Variants in ARHGAP29 observed in about 807,000 individuals in gnomAD.
ARHGAP29 encodes the protein rho GTPase-activating protein 29.
ARHGAP29 carries 43 observed loss-of-function variants against 122.6 expected under a neutral mutation model. That is an observed-to-expected ratio of 0.35 (90% CI 0.27 to 0.45). The LOEUF (loss-of-function observed/expected upper bound fraction) is 0.45. Ranked by LOEUF, ARHGAP29 falls within the 20% of genes least tolerant of loss-of-function variation. The pLI, the probability that ARHGAP29 is intolerant of heterozygous loss-of-function variation, is 1.00. For missense variants in ARHGAP29, 1,303 were observed against 1,477.2 expected (o/e 0.88, Z 1.93); for synonymous variants, 506 against 497.1 (o/e 1.02, Z -0.24).
intron 2 of ARHGAP29, among the ~76,000 whole-genome samples, chr1:94,221,826 A>G (rs1652310641): frequency 2.0e-5 from 3 of 151,812 alleles, no homozygotes. Context: ...CAACAAGCAC[A>G]CCTAGTATCT....
intron 1 of ARHGAP29, among the ~76,000 whole-genome samples, chr1:94,256,002 C>T (rs574726196): frequency 1.3e-5 from 2 of 152,312 alleles, no homozygotes; most frequent in East Asian, 3.9e-4. Flanking sequence ...CTCTGCTACA[C>T]ACATTAACTC....
rs1335395893 is a variant in ARHGAP29, at chr1:94,237,436, C to G, written c.-54G>C. The G allele has an allele frequency of 1.0e-5, 10 of 986,932 alleles. No homozygotes were observed. In the African/African-American group the frequency reaches 1.7e-4, roughly 17 times the overall value. 61.1% of individuals were successfully genotyped at this position (986,932 alleles called of 1,614,324 possible). ...TCACCACGGCGCTCCATCTCGCGTG[C>G]CGGACGCGGACGCCCGCCCCACACC... On this transcript the variant is annotated 5_prime_UTR_variant, in exon 1 of 23. Transcript: ENST00000260526.
intron 2 of ARHGAP29, among the ~76,000 whole-genome samples, chr1:94,228,824 CA>C (rs1652767546): frequency 6.6e-6 from 1 of 151,668 alleles, no homozygotes; most frequent in Admixed American, 6.6e-5. Context: ...ACAACTGCGG[CA>C]AAAGTCAAGT....
At chr1:94,204,934 A>T in intron 7 of ARHGAP29, 127 bp downstream of exon 7, 2 of 929,890 alleles carry the variant, frequency 2.2e-6, no homozygotes, top group Non-Finnish European at 3.0e-6. Context: ...TTTTCTGGAT[A>T]ATGGTTTTAT....
chr1:94,287,084 C>T, the ARHGAP29 span, among the ~76,000 whole-genome samples: 1 of 152,176 alleles, frequency 6.6e-6, no homozygotes, highest in African/African-American at 2.4e-5. Flanking sequence ...GATTGACTGG[C>T]TCAAGTTGAG....
intron 3 of ARHGAP29, among the ~76,000 whole-genome samples, chr1:94,218,101 C>A (rs1157469889): frequency 6.6e-6 from 1 of 152,088 alleles, no homozygotes; most frequent in South Asian, 2.1e-4. Context: ...GATTTGACCT[C>A]AATTTTTCAA....
At chr1:94,204,099 A>ATAC (rs1266507548) in intron 7 of ARHGAP29, 105 bp from the exon 8 acceptor site, 11 of 789,284 alleles carry the variant, frequency 1.4e-5, no homozygotes, top group African/African-American at 3.5e-5. Flanking sequence ...GTGATCACAA[A>ATAC]TACTAGTGTG....
rs1651385748 is a variant in ARHGAP29, at chr1:94,208,824, T to C, written c.510+8A>G. 3 of 1,612,410 alleles carry C rather than the reference T, an allele frequency of 1.9e-6. No homozygotes were observed. The African/African-American group carries it at 4.0e-5, about 22-fold the overall frequency. On this transcript the variant is annotated splice_region_variant and intron_variant, in intron 5 of 22. Transcript: ENST00000260526. ...TAAAGACTTTGCTTTCACACAAACT[T>C]AGCTTACCTTAGTTTCTCGAGAAAC...
rs11165097 is a variant in ARHGAP29, at chr1:94,221,203, C to T, written c.206-811G>A. Among the ~76,000 whole-genome samples, 670 of 152,284 alleles carry T rather than the reference C, an allele frequency of 4.4e-3. 8 individuals carry two copies. Among genetic ancestry groups the T allele is most frequent in the African/African-American group, 0.015 (643 of 41,570 alleles). On this transcript the variant is annotated intron_variant, in intron 2 of 22. Coordinates refer to ENST00000260526, the MANE Select transcript of ARHGAP29 (RefSeq NM_004815.4). ...GCTACTCACAGTCATGCTAGCACAA[C>T]AATCACATTCTAGGATCTTCATCCC...
chr1:94,227,135 G>A (rs940290596), intron 2 of ARHGAP29, among the ~76,000 whole-genome samples: 3 of 151,576 alleles, frequency 2.0e-5, no homozygotes, highest in Non-Finnish European at 4.4e-5. Flanking sequence ...TTCATTTAAT[G>A]AAAAGTTCAA....
chr1:94,239,518 GAC>G (rs1653491260), upstream of ARHGAP29, among the ~76,000 whole-genome samples: 1 of 151,798 alleles, frequency 6.6e-6, no homozygotes, highest in African/African-American at 2.4e-5. Flanking sequence ...GGGAAAGAGA[GAC>G]AAAGGGAGAG....
chr1:94,219,226 G>A (rs749582337), intron 3 of ARHGAP29, among the ~76,000 whole-genome samples: 2 of 146,598 alleles, frequency 1.4e-5, no homozygotes, highest in Non-Finnish European at 3.0e-5. Flanking sequence ...TTACCTTATC[G>A]GTAGCATTTA....
upstream of ARHGAP29, among the ~76,000 whole-genome samples, chr1:94,241,169 C>T (rs115971685): frequency 9.5e-3 from 1,452 of 152,246 alleles, 10 homozygotes; most frequent in Middle Eastern, 0.024. Flanking sequence ...TTATAAAAAA[C>T]TATAAGACCT....
At chr1:94,235,578 A>C (rs1397006851) in intron 1 of ARHGAP29, among the ~76,000 whole-genome samples, 4 of 152,234 alleles carry the variant, frequency 2.6e-5, no homozygotes, top group African/African-American at 9.6e-5. Context: ...AAACAATTGT[A>C]GAAACTTAAC....
chr1:94,202,892 A>G, intron 10 of ARHGAP29, 26 bp downstream of exon 10: 1 of 1,578,042 alleles, frequency 6.3e-7, no homozygotes, highest in Non-Finnish European at 8.6e-7. Flanking sequence ...ACAAATAGGT[A>G]CATGAAACTC....
the ARHGAP29 span, among the ~76,000 whole-genome samples, chr1:94,284,808 C>A: frequency 2.6e-5 from 4 of 152,144 alleles, no homozygotes; most frequent in African/African-American, 9.7e-5. Context: ...ACCTAAGTTT[C>A]TTTGATTTCT....
At chr1:94,301,697 A>G in the ARHGAP29 span, among the ~76,000 whole-genome samples, 1 of 152,208 alleles carries the variant, frequency 6.6e-6, no homozygotes, top group Non-Finnish European at 1.5e-5. Flanking sequence ...GAGGTGCTGG[A>G]TAATCAAAAA....
At chr1:94,250,140 G>A (rs1337545780) in intron 1 of ARHGAP29, among the ~76,000 whole-genome samples, 2 of 152,166 alleles carry the variant, frequency 1.3e-5, no homozygotes, top group Non-Finnish European at 2.9e-5. Context: ...CTGATCACAA[G>A]TGTGCATGTT....
chr1:94,243,533 A>G (rs948024999), intron 1 of ARHGAP29, among the ~76,000 whole-genome samples: 2 of 152,066 alleles, frequency 1.3e-5, no homozygotes, highest in African/African-American at 4.8e-5. Context: ...TGTGGAGATT[A>G]CAAAGTAAAA....
Sources: gnomAD v4.1 joint callset for allele counts (sites outside exome capture counted in the v4.1 genomes callset) on GRCh38, gnomAD v4.1.1 for gene constraint, MANE v1.5 for transcripts, NCBI Gene and HGNC (gene_info 2026-07-23, HGNC 2026-07-21) for gene names.